Variants in CAMK1D observed in about 807,000 individuals in gnomAD.
CAMK1D encodes calcium/calmodulin dependent protein kinase ID.
Under a neutral mutation model 47.7 loss-of-function variants are expected in CAMK1D, and 9 were observed. That is an observed-to-expected ratio of 0.19 (90% CI 0.11 to 0.33). The LOEUF is 0.33. Among genes scored for constraint, CAMK1D ranks in the 10% least tolerant of loss-of-function variants. The probability of loss-of-function intolerance (pLI) is 1.00; values close to 1 mark genes in which losing one functional copy is unlikely to be tolerated. For synonymous variants in CAMK1D, 184 were observed against 184.9 expected (o/e 0.99, Z 0.04); for missense variants, 291 against 488.7 (o/e 0.60, Z 3.81).
chr10:12,562,138 C>G (rs534693448), intron 2 of CAMK1D, among the ~76,000 whole-genome samples: 2 of 152,152 alleles, frequency 1.3e-5, no homozygotes, highest in Non-Finnish European at 2.9e-5. Context: ...AGTCCAAGAT[C>G]GGGTGGCTGC....
intron 3 of CAMK1D, among the ~76,000 whole-genome samples, chr10:12,679,178 A>G (rs530473539): frequency 6.6e-6 from 1 of 152,370 alleles, no homozygotes; most frequent in East Asian, 1.9e-4. Flanking sequence ...TTCTTTAAGT[A>G]TGTACAGTTT....
At chr10:12,515,603 A>G (rs1314805905) in intron 1 of CAMK1D, among the ~76,000 whole-genome samples, 1 of 55,066 alleles carries the variant, frequency 1.8e-5, no homozygotes, top group Non-Finnish European at 3.2e-5. Context: ...AGAGTGTGAT[A>G]TTCCCCTTCC....
chr10:12,559,448 G>T lies in CAMK1D; in HGVS notation c.224+6092G>T, dbSNP rs7916648. On this transcript the variant is annotated intron_variant, in intron 2 of 10. Transcript: ENST00000619168. ...CTAACTCATAATCAGTGTGATGTCAGAACAACCACTCTCCAGCCCTTGTCC... is the reference window on the plus strand; with the variant it reads ...CTAACTCATAATCAGTGTGATGTCATAACAACCACTCTCCAGCCCTTGTCC... 2.2e-3 allele frequency among the ~76,000 whole-genome samples: 336 copies of T among 152,248 alleles called. 5 individuals carry two copies. In the East Asian group the frequency reaches 0.036, roughly 16 times the overall value.
At chr10:12,701,988 C>A (rs767665333) in intron 3 of CAMK1D, among the ~76,000 whole-genome samples, 1 of 152,180 alleles carries the variant, frequency 6.6e-6, no homozygotes, top group East Asian at 1.9e-4. Context: ...GGGCAGAGGG[C>A]GCAGTTATGA....
At chr10:12,588,354 T>C (rs901656567) in intron 2 of CAMK1D, among the ~76,000 whole-genome samples, 2 of 152,138 alleles carry the variant, frequency 1.3e-5, no homozygotes, top group Non-Finnish European at 2.9e-5. Context: ...GCAAACTAGC[T>C]TCATCCTTAA....
intron 2 of CAMK1D, among the ~76,000 whole-genome samples, chr10:12,561,265 A>ATGG (rs1444107378): frequency 1.3e-5 from 2 of 152,018 alleles, no homozygotes; most frequent in Non-Finnish European, 2.9e-5. Context: ...TTATTTAGTG[A>ATGG]TGGTGGTGGC....
intron 1 of CAMK1D, among the ~76,000 whole-genome samples, chr10:12,412,907 G>C (rs150485172): frequency 6.6e-6 from 1 of 152,076 alleles, no homozygotes; most frequent in Non-Finnish European, 1.5e-5. Context: ...GTTCATGAAC[G>C]CATCCTACTG....
chr10:12,430,472 A>C (rs1349280077), intron 1 of CAMK1D, among the ~76,000 whole-genome samples: 1 of 152,204 alleles, frequency 6.6e-6, no homozygotes, highest in African/African-American at 2.4e-5. Flanking sequence ...TCACTAAATC[A>C]GATTAGTTTT....
At chr10:12,471,720 A>G (rs1219081460) in intron 1 of CAMK1D, among the ~76,000 whole-genome samples, 1 of 152,094 alleles carries the variant, frequency 6.6e-6, no homozygotes, top group Non-Finnish European at 1.5e-5. Flanking sequence ...CTTTCCTGCT[A>G]AGGAGAGATA....
At chr10:12,680,323 A>G (rs921606239) in intron 3 of CAMK1D, among the ~76,000 whole-genome samples, 4 of 152,214 alleles carry the variant, frequency 2.6e-5, no homozygotes, top group African/African-American at 9.7e-5. Flanking sequence ...CATGAGGTCT[A>G]TGATAGCTCA....
At chr10:12,357,689 C>G (rs922924607) in intron 1 of CAMK1D, among the ~76,000 whole-genome samples, 7 of 152,006 alleles carry the variant, frequency 4.6e-5, no homozygotes, top group African/African-American at 1.4e-4. Flanking sequence ...GTCAGCGGAC[C>G]CACGTTATTT....
chr10:12,826,866 C>G (rs1484774347), intron 10 of CAMK1D, among the ~76,000 whole-genome samples: 1 of 152,248 alleles, frequency 6.6e-6, no homozygotes, highest in African/African-American at 2.4e-5. Context: ...GATTCATACA[C>G]TGGCATCGGC....
intron 6 of CAMK1D, among the ~76,000 whole-genome samples, chr10:12,807,964 G>C (rs1838810699): frequency 6.6e-6 from 1 of 152,182 alleles, no homozygotes; most frequent in East Asian, 1.9e-4. Context: ...CCACCTTAGG[G>C]TGGGGAATAC....
intron 1 of CAMK1D, among the ~76,000 whole-genome samples, chr10:12,406,853 A>C (rs1312028320): frequency 6.7e-6 from 1 of 150,210 alleles, no homozygotes; most frequent in Non-Finnish European, 1.5e-5. Context: ...TATGTGGGCT[A>C]TTCTAGCTCT....
chr10:12,607,817 C>T (rs1481436638), intron 2 of CAMK1D, among the ~76,000 whole-genome samples: 1 of 151,974 alleles, frequency 6.6e-6, no homozygotes, highest in Non-Finnish European at 1.5e-5. Context: ...AAAATTTAGC[C>T]AAGTGTGGTG....
At chr10:12,641,172 A>T (rs767265514) in intron 2 of CAMK1D, among the ~76,000 whole-genome samples, 29 of 152,136 alleles carry the variant, frequency 1.9e-4, no homozygotes, top group Middle Eastern at 3.4e-3. Context: ...TTTCACCATG[A>T]TGGCCAGGAT....
At chr10:12,770,139 A>G (rs988208321) in intron 5 of CAMK1D, among the ~76,000 whole-genome samples, 3 of 152,222 alleles carry the variant, frequency 2.0e-5, no homozygotes, top group African/African-American at 7.2e-5. Context: ...GGGATTTACA[A>G]TGAGACACTG....
intron 1 of CAMK1D, among the ~76,000 whole-genome samples, chr10:12,370,006 A>T (rs895938935): frequency 2.7e-4 from 41 of 150,464 alleles, no homozygotes; most frequent in Admixed American, 4.0e-4. Flanking sequence ...AAATTATTTT[A>T]TTATTTATTA....
intron 1 of CAMK1D, chr10:12,415,807 T>C (rs1839827857): frequency 6.6e-6 from 1 of 151,850 alleles, no homozygotes; most frequent in South Asian, 2.1e-4. Context: ...AGATGGCTTT[T>C]TTTTTTCTTT....
Sources: gnomAD v4.1 joint callset for allele counts (sites outside exome capture counted in the v4.1 genomes callset) on GRCh38, gnomAD v4.1.1 for gene constraint, MANE v1.5 for transcripts, NCBI Gene and HGNC (gene_info 2026-07-23, HGNC 2026-07-21) for gene names.